SREK1: variants seen among roughly 807,000 people sequenced by gnomAD.
The protein encoded by SREK1 is splicing regulatory glutamine/lysine-rich protein 1.
Under a neutral mutation model 66.5 loss-of-function variants are expected in SREK1, and 13 were observed. The ratio of observed to expected loss-of-function variants is 0.20; its 90% confidence interval spans 0.13 to 0.31. The LOEUF (loss-of-function observed/expected upper bound fraction) is 0.31. Among genes scored for constraint, SREK1 ranks in the 10% least tolerant of loss-of-function variants. The probability of loss-of-function intolerance (pLI) is 1.00; values close to 1 mark genes in which losing one functional copy is unlikely to be tolerated. For synonymous variants in SREK1, 265 were observed against 263.5 expected (o/e 1.01, Z -0.05); for missense variants, 607 against 769.6 (o/e 0.79, Z 2.50).
At position 66,162,602 on chromosome 5, in the gene SREK1, C is replaced by T. The variant is rs1372923818; in HGVS notation, c.755+10C>T. 6.4e-7 allele frequency: 1 copy of T among 1,561,364 alleles called. No individual in the cohort carries two copies. Among genetic ancestry groups the T allele is most frequent in the Non-Finnish European group, 8.7e-7 (1 of 1,152,836 alleles). Reference sequence around the variant, plus strand: ...GAGACAGGCCACTGAAGTAAGAAATCCTAAACAAAGAAATTTTAATGATTT... The same window carrying T: ...GAGACAGGCCACTGAAGTAAGAAATTCTAAACAAAGAAATTTTAATGATTT... On this transcript the variant is annotated intron_variant, in intron 5 of 11. Transcript: ENST00000334121.
intron 6 of SREK1, 36 bp downstream of exon 6, chr5:66,163,958 A>G: frequency 6.3e-7 from 1 of 1,599,382 alleles, no homozygotes; most frequent in Non-Finnish European, 8.5e-7. Flanking sequence ...GTCATAGTTT[A>G]AAGATCATAG....
At chr5:66,145,300 G>A in intron 1 of SREK1, 1 of 391,782 alleles carries the variant, frequency 2.6e-6, no homozygotes, top group Non-Finnish European at 3.5e-6. Context: ...AATTTCCCTC[G>A]TACGATATTA....
intron 2 of SREK1, among the ~76,000 whole-genome samples, chr5:66,155,198 G>A (rs912448968): frequency 6.6e-6 from 1 of 152,132 alleles, no homozygotes; most frequent in African/African-American, 2.4e-5. Context: ...ACTTGATAGA[G>A]ATGAATAAAT....
At chr5:66,157,758 A>C (rs1009099112) in intron 2 of SREK1, 1 of 904,560 alleles carries the variant, frequency 1.1e-6, no homozygotes, top group African/African-American at 1.8e-5. Flanking sequence ...ATATAAACTT[A>C]GATGCTGCAA....
chr5:66,175,806 CT>C (rs1406520753), intron 10 of SREK1, among the ~76,000 whole-genome samples: 1 of 151,970 alleles, frequency 6.6e-6, no homozygotes, highest in African/African-American at 2.4e-5. Context: ...TTTTTGTTTC[CT>C]TTTCTATTTC....
Position 66,179,756 on chromosome 5 carries a change from T to C in SREK1, c.*888T>C, listed in dbSNP as rs1746356906. 6.6e-6 allele frequency: 1 copy of C among 152,558 alleles called. No individual in the cohort carries two copies. Among genetic ancestry groups the C allele is most frequent in the Non-Finnish European group, 1.5e-5 (1 of 67,980 alleles). The allele number at this position is 152,558 out of a possible 1,614,324, so 9.5% of individuals were successfully genotyped here. A position where few individuals can be genotyped will look rare whatever the true frequency, so the allele number is the denominator to read the frequency against. ...GCTATGGGAGCACAAGCTGAAGCTT[T>C]AGTGCCTTCTACAATGTGGTATACT... is the stretch of plus-strand genomic sequence containing the variant. On this transcript the variant is annotated 3_prime_UTR_variant, in exon 12 of 12. Transcript: ENST00000334121.
chr5:66,144,577 C>T lies in SREK1; in HGVS notation c.161+40C>T, dbSNP rs971428907. 8 of 1,527,940 alleles carry T rather than the reference C, an allele frequency of 5.2e-6. No individual in the cohort carries two copies. The Admixed American group carries it at 1.4e-4, about 28-fold the overall frequency. The allele number at this position is 1,527,940 out of a possible 1,614,324, so 94.6% of individuals were successfully genotyped here. On this transcript the variant is annotated intron_variant, in intron 1 of 11. Transcript: ENST00000334121. ...TCGGCTGGGGGAGGGGCGCGGGCGC[C>T]ATAGAGACCTCGGGAGCCGAGGCGT...
intron 2 of SREK1, 164 bp from the exon 3 acceptor site, chr5:66,159,055 G>T: frequency 7.1e-7 from 1 of 1,417,468 alleles, no homozygotes; most frequent in East Asian, 2.6e-5. Context: ...AGTAGAGCAG[G>T]ATAAAAGGAA....
chr5:66,171,092 C>T (rs182983831), intron 9 of SREK1, 145 bp downstream of exon 9: 66 of 1,027,084 alleles, frequency 6.4e-5, no homozygotes, highest in Admixed American at 9.6e-5. Context: ...TCAGAGTAAA[C>T]ATTTCTCTAG....
intron 9 of SREK1, among the ~76,000 whole-genome samples, chr5:66,171,492 G>T (rs1007687778): frequency 1.3e-5 from 2 of 152,086 alleles, no homozygotes; most frequent in Non-Finnish European, 2.9e-5. Context: ...ACTACCACCA[G>T]GTGGCAGCAA....
chr5:66,173,288 T>C (rs568442596), intron 9 of SREK1, among the ~76,000 whole-genome samples: 1 of 152,338 alleles, frequency 6.6e-6, no homozygotes, highest in South Asian at 2.1e-4. Context: ...GAAAATGATA[T>C]TAAATAATTT....
rs1746441270 is a variant in SREK1 at position 66,180,997 on chromosome 5, A to T, written c.*2129A>T. ...TGCATGTTTGTGTGGTGTCTATAAA[A>T]CAAGTCATTTAAAGTATGAGTGTTT... On this transcript the variant is annotated 3_prime_UTR_variant, in exon 12 of 12. Coordinates refer to ENST00000334121, the MANE Select transcript of SREK1 (RefSeq NM_001077199.3). 6.6e-6 allele frequency: 1 copy of T among 152,190 alleles called. No homozygotes were observed. 9.4% of individuals were successfully genotyped at this position (152,190 alleles called of 1,614,324 possible).
intron 10 of SREK1, among the ~76,000 whole-genome samples, chr5:66,177,098 T>G (rs754864780): frequency 2.0e-4 from 31 of 152,164 alleles, no homozygotes; most frequent in Non-Finnish European, 4.0e-4. Flanking sequence ...TCCATCTGCC[T>G]TGTTCCCATT....
At chr5:66,144,833 T>G (rs1328339058) in intron 1 of SREK1, 2 of 1,104,400 alleles carry the variant, frequency 1.8e-6, no homozygotes, top group Non-Finnish European at 1.1e-6. Flanking sequence ...GCCCCCACCC[T>G]CTTATTTCCC....
At chr5:66,163,499 T>C (rs1046968605) in intron 5 of SREK1, 1 of 227,158 alleles carries the variant, frequency 4.4e-6, no homozygotes, top group Non-Finnish European at 8.8e-6. Flanking sequence ...AACATTTTAA[T>C]TTATTTTAAT....
chr5:66,177,473 C>T (rs201600612), intron 10 of SREK1, 41 bp from the exon 11 acceptor site: 700 of 1,460,000 alleles, frequency 4.8e-4, no homozygotes, highest in Non-Finnish European at 5.7e-4. Context: ...ATAGATCTTA[C>T]AATTTCTTAG....
chr5:66,161,970 T>G lies in SREK1; in HGVS notation c.412-139T>G, dbSNP rs1487094987. 3 of 840,052 alleles carry G rather than the reference T, an allele frequency of 3.6e-6. No homozygotes were observed. The Admixed American group carries it at 9.4e-5, about 26-fold the overall frequency. The allele number at this position is 840,052 out of a possible 1,614,324, so 52.0% of individuals were successfully genotyped here. A position where few individuals can be genotyped will look rare whatever the true frequency, so the allele number is the denominator to read the frequency against. On this transcript the variant is annotated intron_variant, in intron 3 of 11. Coordinates refer to ENST00000334121, the MANE Select transcript of SREK1 (RefSeq NM_001077199.3). ...ACCTTACTTTAATAACTCAGACATATATATGACTGAAAGTTCGGAGTCCCT... is the reference window on the plus strand; with the variant it reads ...ACCTTACTTTAATAACTCAGACATAGATATGACTGAAAGTTCGGAGTCCCT...
At chr5:66,144,870 G>C (rs1221281454) in intron 1 of SREK1, 7 of 1,030,600 alleles carry the variant, frequency 6.8e-6, no homozygotes, top group Non-Finnish European at 8.2e-6. Flanking sequence ...CCGCAGGTGG[G>C]CCCGGAACAG....
In SREK1 at chr5:66,180,316, C is replaced by T. The variant is rs879515369; in HGVS notation, c.*1448C>T. The T allele has an allele frequency of 6.6e-6, 1 of 152,404 alleles. No homozygotes were observed. Among genetic ancestry groups the T allele is most frequent in the South Asian group, 2.1e-4 (1 of 4,828 alleles). The allele number at this position is 152,404 out of a possible 1,614,324, so 9.4% of individuals were successfully genotyped here. A position where few individuals can be genotyped will look rare whatever the true frequency, so the allele number is the denominator to read the frequency against. ...TGTTGTATTTCCAAAAAAGTAATAC[C>T]TTTTAATTAGTGTATTAAAAGTTAA... On this transcript the variant is annotated 3_prime_UTR_variant, in exon 12 of 12. Transcript: ENST00000334121.
Sources: gnomAD v4.1 joint callset for allele counts (sites outside exome capture counted in the v4.1 genomes callset) on GRCh38, gnomAD v4.1.1 for gene constraint, MANE v1.5 for transcripts, NCBI Gene and HGNC (gene_info 2026-07-23, HGNC 2026-07-21) for gene names.